Variants in ANKRD18A observed in about 807,000 individuals in gnomAD.
The protein encoded by ANKRD18A is ankyrin repeat domain-containing protein 18A.
ANKRD18A carries 72 observed loss-of-function variants against 110.6 expected under a neutral mutation model. The observed-to-expected ratio is 0.65, with a 90% CI of 0.54 to 0.79. ANKRD18A has a LOEUF of 0.79. ANKRD18A is among the 30% of genes least tolerant of loss of function. ANKRD18A has a pLI of 0.00. For missense variants in ANKRD18A, 934 were observed against 1,163.3 expected (o/e 0.80, Z 2.87); for synonymous variants, 305 against 410.3 (o/e 0.74, Z 3.10).
chr9:38,593,495 A>G (rs1006734852), intron 10 of ANKRD18A, among the ~76,000 whole-genome samples: 6 of 152,204 alleles, frequency 3.9e-5, no homozygotes, highest in African/African-American at 1.4e-4. Flanking sequence ...AACGGGAAAA[A>G]AGTCAATTTT....
At position 38,614,219 on chromosome 9, in the gene ANKRD18A, G is replaced by GTT. The variant is rs58955752; in HGVS notation, c.495+1373_495+1374dup. Among the ~76,000 whole-genome samples, 397 of 68,786 alleles carry GTT rather than the reference G, an allele frequency of 5.8e-3. 4 individuals are homozygous for GTT. The highest frequency in any genetic ancestry group is 0.013 in the Middle Eastern group (1 of 78). 45.1% of individuals were successfully genotyped at this position (68,786 alleles called of 152,430 possible). A position where few individuals can be genotyped will look rare whatever the true frequency, so the allele number is the denominator to read the frequency against. ...ATCAGGAGTGTATTCGAACACTGAGGTTTTTTTTTTTTTTTTTTTTTTTTG... is the reference window on the plus strand; with the variant it reads ...ATCAGGAGTGTATTCGAACACTGAGGTTTTTTTTTTTTTTTTTTTTTTTTTTG... On this transcript the variant is annotated intron_variant, in intron 3 of 15. Coordinates refer to ENST00000399703, the MANE Select transcript of ANKRD18A (RefSeq NM_147195.4).
chr9:38,596,124 C>T lies in ANKRD18A; in HGVS notation c.1216G>A (p.Glu406Lys). 6.4e-7 allele frequency: 1 copy of T among 1,551,066 alleles called. No individual in the cohort carries two copies. Among genetic ancestry groups the T allele is most frequent in the East Asian group, 2.4e-5 (1 of 40,908 alleles). Residue 406 changes from glutamate (E) to lysine (K), a missense_variant, in exon 9 of 16, where the codon GAG (glutamate) becomes AAG (lysine). This residue lies in a region of ANKRD18A where 630 missense variants were observed against 797.5 expected (regional missense o/e 0.79). Transcript: ENST00000399703. ...AENARLNSEL[E>K]KEKHNKERLE... ...CTTTCTTTGTTGTGTTTTTCCTTCT[C>T]CAATTCTGAATTCAGCCTTGCATTC...
chr9:38,588,420 T>G (rs1824479463), intron 11 of ANKRD18A, 131 bp downstream of exon 11: 5 of 653,020 alleles, frequency 7.7e-6, no homozygotes, highest in East Asian at 7.5e-5. Flanking sequence ...TGAAATACAT[T>G]TTAAAACAGA....
chr9:38,600,800 C>T (rs1001693238), intron 8 of ANKRD18A, among the ~76,000 whole-genome samples: 27 of 152,092 alleles, frequency 1.8e-4, no homozygotes, highest in Non-Finnish European at 3.2e-4. Context: ...CGTTCAATTG[C>T]TCATCATTTC....
intron 5 of ANKRD18A, among the ~76,000 whole-genome samples, chr9:38,608,990 T>C (rs1012619542): frequency 1.4e-4 from 21 of 152,126 alleles, no homozygotes; most frequent in Non-Finnish European, 3.1e-4. Flanking sequence ...AGAGAAAAAA[T>C]GGACACTGGT....
At chr9:38,592,260 A>G (rs1234682378) in intron 10 of ANKRD18A, among the ~76,000 whole-genome samples, 3 of 140,356 alleles carry the variant, frequency 2.1e-5, no homozygotes, top group Non-Finnish European at 4.6e-5. Flanking sequence ...GCCAAGCTAA[A>G]CTATTTTCAA....
intron 7 of ANKRD18A, 69 bp from the exon 8 acceptor site, chr9:38,601,273 GAAC>G (rs1256565633): frequency 1.5e-6 from 2 of 1,347,730 alleles, no homozygotes; most frequent in South Asian, 2.8e-5. Flanking sequence ...AATTGATACA[GAAC>G]AACACACACT....
chr9:38,602,533 C>A (rs1825164402), intron 7 of ANKRD18A, among the ~76,000 whole-genome samples: 1 of 152,172 alleles, frequency 6.6e-6, no homozygotes, highest in Non-Finnish European at 1.5e-5. Flanking sequence ...GAGAATTGGG[C>A]AGAAGCCAGT....
At chr9:38,599,453 C>CT (rs1289182740) in intron 8 of ANKRD18A, among the ~76,000 whole-genome samples, 2 of 151,844 alleles carry the variant, frequency 1.3e-5, no homozygotes, top group African/African-American at 4.8e-5. Flanking sequence ...TTCAGTTGAA[C>CT]TTTTTTGTAA....
In ANKRD18A at chr9:38,575,533, T is replaced by A; in HGVS notation, c.2907A>T (p.Ile969=). The A allele has an allele frequency of 6.4e-7, 1 of 1,551,652 alleles. No homozygotes were observed. The highest frequency in any genetic ancestry group is 8.7e-7 in the Non-Finnish European group (1 of 1,146,850). Residue 969 remains isoleucine, a synonymous_variant, in exon 15 of 16, where the codon ATA becomes ATT. Transcript: ENST00000399703. ...LNRKYIPKTA[I]RIPTSNPQTS... The stretch of plus-strand genomic sequence containing the variant: ...TCTGTGGGTTTGAAGTAGGAATTCT[T>A]ATGGCCGTTTTGGGAATATATTTTC...
chr9:38,586,315 G>A lies in ANKRD18A; in HGVS notation c.2118-3C>T, dbSNP rs1587499032. The A allele has an allele frequency of 1.9e-6, 3 of 1,557,730 alleles. No individual in the cohort carries two copies. In the African/African-American group the frequency reaches 4.1e-5, roughly 21 times the overall value. ...TCATTTCTAGGCATTTCTTATATCT[G>A]CAGAAATGTAAGAACTAGTAAGTCA... On this transcript the variant is annotated splice_polypyrimidine_tract_variant and splice_region_variant and intron_variant, in intron 11 of 15. Transcript: ENST00000399703.
At chr9:38,608,580 TTATA>T (rs994938637) in intron 5 of ANKRD18A, among the ~76,000 whole-genome samples, 2 of 146,674 alleles carry the variant, frequency 1.4e-5, no homozygotes, top group Middle Eastern at 3.3e-3. Flanking sequence ...TAATAATAGA[TTATA>T]TAATCTATAA....
At chr9:38,587,854 C>T in intron 11 of ANKRD18A, among the ~76,000 whole-genome samples, 1 of 152,172 alleles carries the variant, frequency 6.6e-6, no homozygotes, top group Admixed American at 6.5e-5. Context: ...CTTTGGGAGG[C>T]TGAGGCAGGT....
chr9:38,592,663 A>G (rs1266892935), intron 10 of ANKRD18A, among the ~76,000 whole-genome samples: 1 of 152,110 alleles, frequency 6.6e-6, no homozygotes, highest in Non-Finnish European at 1.5e-5. Flanking sequence ...ATAATAGCCA[A>G]AAAGTGGAAA....
intron 15 of ANKRD18A, among the ~76,000 whole-genome samples, chr9:38,575,243 GT>G (rs1008242920): frequency 4.3e-4 from 65 of 152,252 alleles, no homozygotes; most frequent in African/African-American, 1.5e-3. Flanking sequence ...AATTTTAAAT[GT>G]GTCAGTTTAA....
chr9:38,581,429 A>G (rs1388643618), intron 12 of ANKRD18A, among the ~76,000 whole-genome samples: 1 of 152,208 alleles, frequency 6.6e-6, no homozygotes, highest in East Asian at 1.9e-4. Context: ...ACATGATTTG[A>G]AAAACAACTG....
At chr9:38,580,765 G>T (rs1348675998) in intron 12 of ANKRD18A, among the ~76,000 whole-genome samples, 1 of 150,474 alleles carries the variant, frequency 6.6e-6, no homozygotes, top group African/African-American at 2.5e-5. Context: ...CCCATTAAAA[G>T]AATAGAATAT....
chr9:38,594,868 A>C (rs1469064871), intron 9 of ANKRD18A, among the ~76,000 whole-genome samples: 3 of 152,166 alleles, frequency 2.0e-5, no homozygotes, highest in African/African-American at 7.2e-5. Flanking sequence ...TACCTGCTTC[A>C]TTATGCTCTT....
In ANKRD18A at chr9:38,605,006, G is replaced by C. The variant is rs570102897; in HGVS notation, c.809-1794C>G. On this transcript the variant is annotated intron_variant, in intron 6 of 15. Coordinates refer to ENST00000399703, the MANE Select transcript of ANKRD18A (RefSeq NM_147195.4). ...TGGCAAAGTTCCACTCACTCTGCAC[G>C]CTTACCCTAAATCCTACCCACATTT... 12 of 160,744 alleles carry C rather than the reference G, an allele frequency of 7.5e-5. 1 individual carries two copies. Among genetic ancestry groups the C allele is most frequent in the African/African-American group, 2.9e-4 (12 of 41,548 alleles). The allele number at this position is 160,744 out of a possible 1,614,324, so 10.0% of individuals were successfully genotyped here.
Sources: allele counts gnomAD v4.1 joint callset (sites outside exome capture counted in the v4.1 genomes callset), GRCh38; gene constraint gnomAD v4.1.1; regional missense constraint gnomAD v4.1.1; transcripts MANE v1.5; gene names NCBI Gene and HGNC (gene_info 2026-07-23, HGNC 2026-07-21).